KCNMB3: variants seen among roughly 807,000 people sequenced by gnomAD.
KCNMB3 encodes calcium-activated potassium channel subunit beta-3.
In KCNMB3, 18 loss-of-function variants were observed where a neutral mutation model predicts 11.9. The observed-to-expected ratio is 1.51, with a 90% CI of 1.04 to 2.23. The LOEUF (loss-of-function observed/expected upper bound fraction) is 2.23, where lower values mean the gene tolerates loss of function less well. Ranked by LOEUF, KCNMB3 falls within the 30% of genes most tolerant of loss-of-function variation. The pLI is 0.00. For missense variants in KCNMB3, 247 were observed against 329.4 expected, an observed-to-expected ratio of 0.75 and a Z score of 1.94; for synonymous variants, 78 against 119.2, an observed-to-expected ratio of 0.65 and a Z score of 2.25.
At chr3:179,253,841 T>G (rs1002437437), upstream of KCNMB3, among the ~76,000 whole-genome samples, 46 of 152,118 alleles carry the variant, frequency 3.0e-4, no homozygotes, top group African/African-American at 1.1e-3. Context: ...TAAAAATTTT[T>G]TTAAAAAGCC....
At chr3:179,248,737 A>AC (rs950052185) in intron 1 of KCNMB3, among the ~76,000 whole-genome samples, 1 of 151,864 alleles carries the variant, frequency 6.6e-6, no homozygotes, top group Non-Finnish European at 1.5e-5. Flanking sequence ...CAAAAAAAAA[A>AC]AAAAAAAACT....
chr3:179,262,515 G>A (rs1234795352), intron 1 of KCNMB3, among the ~76,000 whole-genome samples: 1 of 152,194 alleles, frequency 6.6e-6, no homozygotes. Flanking sequence ...AAGATTTATT[G>A]CAAAGAGCAA....
chr3:179,244,880 TG>T (rs1725585116), intron 1 of KCNMB3, among the ~76,000 whole-genome samples, 187 bp from the exon 2 acceptor site: 1 of 152,132 alleles, frequency 6.6e-6, no homozygotes, highest in African/African-American at 2.4e-5. Flanking sequence ...GACACAGAGT[TG>T]GGGTAAAGAG....
intron 1 of KCNMB3, among the ~76,000 whole-genome samples, chr3:179,245,516 G>C (rs201913513): frequency 4.1e-4 from 57 of 140,388 alleles, no homozygotes; most frequent in Non-Finnish European, 6.7e-4. Context: ...AATTTTTTTG[G>C]GGGGGGGGAT....
intron 1 of KCNMB3, chr3:179,260,002 C>A: frequency 6.2e-7 from 1 of 1,612,798 alleles, no homozygotes. Flanking sequence ...GGCTCAGCTG[C>A]TTCCTGGTTG....
chr3:179,243,596 T>G (rs1344571917), intron 2 of KCNMB3, among the ~76,000 whole-genome samples: 1 of 152,238 alleles, frequency 6.6e-6, no homozygotes. Context: ...TTGGACAGTA[T>G]GAATCCGTTT....
Position 179,250,796 on chromosome 3 carries a change from T to G in KCNMB3, c.195A>C (p.Ser65=), listed in dbSNP as rs1454754372. The change falls in exon 1 of 3, where the codon TCA becomes TCC. Residue 65 remains serine (S), a synonymous_variant. Coordinates refer to ENST00000392685, the MANE Select transcript of KCNMB3 (RefSeq NM_171830.2). ...VMLGFAMMGF[S]VLMFFLLGTT... ...TTCCGAGCAAGAAGAACATTAGGAC[T>G]GAGAAGCCCATCATGGCAAACCCCA... is the stretch of plus-strand genomic sequence containing the variant. 1 of 1,614,200 alleles carries G rather than the reference T, an allele frequency of 6.2e-7. No homozygotes were observed. Among genetic ancestry groups the G allele is most frequent in the Admixed American group, 1.7e-5 (1 of 60,014 alleles).
intron 1 of KCNMB3, among the ~76,000 whole-genome samples, chr3:179,265,222 T>C (rs1726339942): frequency 6.6e-6 from 1 of 152,230 alleles, no homozygotes; most frequent in Admixed American, 6.5e-5. Flanking sequence ...GTAGTCTGTC[T>C]GGTCCTTCTT....
upstream of KCNMB3, among the ~76,000 whole-genome samples, chr3:179,254,678 G>A (rs1725954692): frequency 6.6e-6 from 1 of 152,132 alleles, no homozygotes; most frequent in African/African-American, 2.4e-5. Context: ...TGGGCGTGGT[G>A]GCACGTGCCT....
chr3:179,247,712 C>A (rs886874278), intron 1 of KCNMB3, among the ~76,000 whole-genome samples: 1 of 152,146 alleles, frequency 6.6e-6, no homozygotes, highest in Non-Finnish European at 1.5e-5. Context: ...GGTGCTAATA[C>A]CAGAGAGAAG....
downstream of KCNMB3, chr3:179,242,767 T>A: frequency 7.5e-7 from 1 of 1,327,364 alleles, no homozygotes. Context: ...ATGAGGCTTT[T>A]AAATTTTTTC....
At chr3:179,260,955 A>G (rs1322247856) in intron 1 of KCNMB3, 19 of 1,079,006 alleles carry the variant, frequency 1.8e-5, no homozygotes, top group Non-Finnish European at 2.4e-5. Flanking sequence ...TCTGCTAGAG[A>G]GTCCTTGATT....
At chr3:179,260,504 C>A in intron 1 of KCNMB3, 1 of 1,606,844 alleles carries the variant, frequency 6.2e-7, no homozygotes, top group Non-Finnish European at 8.5e-7. Flanking sequence ...TTTCTCTTTT[C>A]CCCACATTCG....
chr3:179,259,324 C>A, intron 1 of KCNMB3: 1 of 1,563,528 alleles, frequency 6.4e-7, no homozygotes. Context: ...GTGGCACCAG[C>A]TATTTTAGCA....
exon 1 of KCNMB3, chr3:179,266,806 C>A: frequency 6.6e-7 from 1 of 1,517,512 alleles, no homozygotes; most frequent in South Asian, 1.2e-5. Context: ...GAAGTGGAGT[C>A]CCAGCGGGAG....
intron 1 of KCNMB3, among the ~76,000 whole-genome samples, chr3:179,264,183 CATA>C (rs1726308338): frequency 6.6e-6 from 1 of 152,142 alleles, no homozygotes. Flanking sequence ...TTTCACTTAA[CATA>C]ATAAGCACTT....
chr3:179,249,007 CTTTTTTTTT>C (rs1169837939), intron 1 of KCNMB3, among the ~76,000 whole-genome samples: 2 of 89,864 alleles, frequency 2.2e-5, no homozygotes, highest in Non-Finnish European at 4.2e-5. Flanking sequence ...GACCCCGTCT[CTTTTTTTTT>C]TTTTTTTTTT....
chr3:179,263,164 G>C (rs1726274452), intron 1 of KCNMB3, among the ~76,000 whole-genome samples: 1 of 152,240 alleles, frequency 6.6e-6, no homozygotes, highest in Non-Finnish European at 1.5e-5. Flanking sequence ...GGGAGGCTCA[G>C]GTATGGCGGG....
upstream of KCNMB3, among the ~76,000 whole-genome samples, chr3:179,253,715 A>C (rs1725921766): frequency 6.6e-6 from 1 of 152,148 alleles, no homozygotes; most frequent in Non-Finnish European, 1.5e-5. Flanking sequence ...CTGAGGCAGG[A>C]AAATCGCTTG....
Sources: allele counts gnomAD v4.1 joint callset (sites outside exome capture counted in the v4.1 genomes callset), GRCh38; gene constraint gnomAD v4.1.1; transcripts MANE v1.5; gene names NCBI Gene and HGNC (gene_info 2026-07-23, HGNC 2026-07-21).